Variants in PCDHA13 observed in about 807,000 individuals in gnomAD.
PCDHA13 encodes protocadherin alpha 13.
PCDHA13 carries 54 observed loss-of-function variants against 64.8 expected under a neutral mutation model. The ratio of observed to expected loss-of-function variants is 0.83; its 90% confidence interval spans 0.67 to 1.04. PCDHA13 has a LOEUF of 1.04. Among genes scored for constraint, PCDHA13 ranks in the 50% least tolerant of loss-of-function variants. The pLI is 0.00. For missense variants in PCDHA13, 1,248 were observed against 1,254.3 expected (o/e 0.99, Z 0.08); for synonymous variants, 587 against 564.4 (o/e 1.04, Z -0.57).
rs1554181258 is a variant in PCDHA13 at position 140,884,130 on chromosome 5, C to G, written c.1862C>G (p.Pro621Arg). 2.5e-6 allele frequency: 4 copies of G among 1,613,434 alleles called. No individual in the cohort carries two copies. Among genetic ancestry groups the G allele is most frequent in the African/African-American group, 1.3e-5 (1 of 75,028 alleles). Reference sequence around the variant, plus strand: ...CTGGCGGCGGTCGGCGCGCGCATCCCGTTCCGCGTGGGGCTGTACACTGGC... The same window carrying G: ...CTGGCGGCGGTCGGCGCGCGCATCCGGTTCCGCGTGGGGCTGTACACTGGC... ...LQLAAVGARI[P>R]FRVGLYTGEI... Residue 621 changes from proline (P) to arginine (R), a missense_variant, in exon 1 of 4, where the codon CCG becomes CGG. Pro to Arg is a moderately radical substitution (Grantham distance 103). Transcript: ENST00000289272.
rs1563186680 is a variant in PCDHA13 at position 140,941,223 on chromosome 5, C to CTTTCTT, written c.2395-37724_2395-37719dup. Among the ~76,000 whole-genome samples the CTTTCTT allele has an allele frequency of 6.9e-4, 92 of 132,548 alleles. 1 individual carries two copies. The highest frequency in any genetic ancestry group is 2.7e-3 in the African/African-American group (88 of 33,182). The allele number at this position is 132,548 out of a possible 152,430, so 87.0% of individuals were successfully genotyped here. A position where few individuals can be genotyped will look rare whatever the true frequency, so the allele number is the denominator to read the frequency against. ...TCTTCCTTTCTTTCTTCCTTTCTTT[C>CTTTCTT]TTTCTTTCTTTCTTTCTTTCTTTCT... On this transcript the variant is annotated intron_variant, in intron 1 of 3. Coordinates refer to ENST00000289272, the MANE Select transcript of PCDHA13 (RefSeq NM_018904.3).
chr5:140,931,952 A>G (rs1159894265), intron 1 of PCDHA13, among the ~76,000 whole-genome samples: 2 of 151,970 alleles, frequency 1.3e-5, no homozygotes, highest in African/African-American at 4.8e-5. Flanking sequence ...AGTCTTACAG[A>G]ATCATGTTGA....
At chr5:140,954,831 C>CCT (rs2095096167) in intron 1 of PCDHA13, among the ~76,000 whole-genome samples, 1 of 152,116 alleles carries the variant, frequency 6.6e-6, no homozygotes, top group Admixed American at 6.5e-5. Flanking sequence ...GCACTTTTGT[C>CCT]ATGAAATCTT....
chr5:140,944,857 A>G (rs1288221644), intron 1 of PCDHA13, among the ~76,000 whole-genome samples: 1 of 152,078 alleles, frequency 6.6e-6, no homozygotes, highest in Non-Finnish European at 1.5e-5. Context: ...AATCATCCTT[A>G]TTTATCTTAA....
At chr5:141,000,419 ATATTTTTTT>A (rs2097927194) in intron 3 of PCDHA13, among the ~76,000 whole-genome samples, 6 of 60,996 alleles carry the variant, frequency 9.8e-5, no homozygotes, top group Non-Finnish European at 1.1e-4. Flanking sequence ...ATATATATAT[ATATTTTTTT>A]TTTTTTTTTT....
intron 3 of PCDHA13, 32 bp downstream of exon 3, chr5:140,982,595 G>A (rs1554244629): frequency 6.2e-7 from 1 of 1,609,520 alleles, no homozygotes; most frequent in Non-Finnish European, 8.5e-7. Flanking sequence ...ATTCTTTCTT[G>A]GTTTCTGGAA....
chr5:140,930,375 C>T (rs2086761522), intron 1 of PCDHA13: 1 of 151,734 alleles, frequency 6.6e-6, no homozygotes, highest in Non-Finnish European at 1.5e-5. Flanking sequence ...GTTAGTGGCC[C>T]TTGGCATTTC....
chr5:140,967,181 T>C (rs782433025), intron 1 of PCDHA13: 4 of 1,613,136 alleles, frequency 2.5e-6, no homozygotes, highest in East Asian at 2.2e-5. Context: ...GGTGGAAATA[T>C]TGGACATCAA....
At chr5:140,915,770 A>G (rs1215607027) in intron 1 of PCDHA13, among the ~76,000 whole-genome samples, 4 of 151,908 alleles carry the variant, frequency 2.6e-5, no homozygotes, top group African/African-American at 4.8e-5. Context: ...GTCTTGTCCA[A>G]GGCCTGCTGT....
At chr5:140,993,569 A>G (rs1311165766) in intron 3 of PCDHA13, among the ~76,000 whole-genome samples, 1 of 151,734 alleles carries the variant, frequency 6.6e-6, no homozygotes, top group East Asian at 1.9e-4. Flanking sequence ...TATCCTTTCT[A>G]GGGATGCTTT....
At chr5:140,935,291 C>T (rs1221872941) in intron 1 of PCDHA13, among the ~76,000 whole-genome samples, 4 of 152,100 alleles carry the variant, frequency 2.6e-5, no homozygotes, top group East Asian at 1.9e-4. Context: ...TTCAGCACTC[C>T]GAGGTTTTTA....
intron 1 of PCDHA13, among the ~76,000 whole-genome samples, chr5:140,905,145 T>C (rs1264141592): frequency 1.3e-5 from 2 of 152,252 alleles, no homozygotes; most frequent in African/African-American, 4.8e-5. Context: ...TCTGCTGTTA[T>C]ATTTTAGAAT....
At chr5:140,908,661 G>C (rs530751435) in intron 1 of PCDHA13, among the ~76,000 whole-genome samples, 9 of 152,306 alleles carry the variant, frequency 5.9e-5, no homozygotes, top group African/African-American at 2.2e-4. Flanking sequence ...GCCTGCCAAA[G>C]GCTCCAAATA....
chr5:140,960,848 A>G (rs2095575135), intron 1 of PCDHA13, among the ~76,000 whole-genome samples: 1 of 152,212 alleles, frequency 6.6e-6, no homozygotes, highest in Non-Finnish European at 1.5e-5. Context: ...GTTTAATGGC[A>G]ACTATAAGCC....
At chr5:140,917,335 G>GGGGGGGGGGT in intron 1 of PCDHA13, among the ~76,000 whole-genome samples, 2 of 146,518 alleles carry the variant, frequency 1.4e-5, no homozygotes, top group Non-Finnish European at 3.1e-5. Flanking sequence ...GGGGGAGGGG[G>GGGGGGGGGGT]GGGATGGTGT....
At chr5:140,928,536 GA>G (rs782686789) in intron 1 of PCDHA13, 1 of 1,614,228 alleles carries the variant, frequency 6.2e-7, no homozygotes, top group Non-Finnish European at 8.5e-7. Context: ...TGGTAGATAG[GA>G]ATGACAATTA....
chr5:140,935,379 C>T (rs2090338823), intron 1 of PCDHA13, among the ~76,000 whole-genome samples: 1 of 152,196 alleles, frequency 6.6e-6, no homozygotes, highest in African/African-American at 2.4e-5. Context: ...CAGAATTACT[C>T]ATTTGTTATC....
intron 1 of PCDHA13, among the ~76,000 whole-genome samples, chr5:140,924,539 C>T (rs1554201995): frequency 6.6e-6 from 1 of 152,050 alleles, no homozygotes; most frequent in African/African-American, 2.4e-5. Flanking sequence ...CCGAGCTACC[C>T]CTCTCCCCAC....
chr5:140,930,423 A>G (rs1366004853), intron 1 of PCDHA13: 3 of 151,862 alleles, frequency 2.0e-5, no homozygotes, highest in African/African-American at 7.3e-5. Flanking sequence ...GGGTCTCACT[A>G]TGTTGCCCAG....
Sources: allele counts gnomAD v4.1 joint callset (sites outside exome capture counted in the v4.1 genomes callset), GRCh38; gene constraint gnomAD v4.1.1; transcripts MANE v1.5; gene names NCBI Gene and HGNC (gene_info 2026-07-23, HGNC 2026-07-21).